Variants in PCBP3 observed in about 807,000 individuals in gnomAD.
The protein encoded by PCBP3 is poly(rC)-binding protein 3.
In PCBP3, 25 loss-of-function variants were observed where a neutral mutation model predicts 52.7. The ratio of observed to expected loss-of-function variants is 0.47; its 90% confidence interval spans 0.35 to 0.66. The LOEUF (loss-of-function observed/expected upper bound fraction) is 0.66, where lower values mean the gene tolerates loss of function less well. Ranked by LOEUF, PCBP3 falls within the 30% of genes least tolerant of loss-of-function variation. The probability of loss-of-function intolerance (pLI) is 0.01; values close to 1 mark genes in which losing one functional copy is unlikely to be tolerated. For missense variants in PCBP3, 391 were observed against 490.3 expected (o/e 0.80, Z 1.91); for synonymous variants, 162 against 183.0 (o/e 0.89, Z 0.93).
At chr21:45,835,200 C>G (rs2093554404) in intron 4 of PCBP3, among the ~76,000 whole-genome samples, 1 of 152,178 alleles carries the variant, frequency 6.6e-6, no homozygotes, top group Non-Finnish European at 1.5e-5. Flanking sequence ...CACGTCTGCC[C>G]TGGGCCCCGG....
intron 10 of PCBP3, 146 bp downstream of exon 10, chr21:45,909,632 GA>G: frequency 1.3e-6 from 1 of 742,724 alleles, no homozygotes; most frequent in South Asian, 1.8e-5. Flanking sequence ...CTCAAAGTGC[GA>G]GACAGGAACA....
At chr21:45,804,663 C>T (rs1450742568) in intron 4 of PCBP3, among the ~76,000 whole-genome samples, 1 of 152,116 alleles carries the variant, frequency 6.6e-6, no homozygotes, top group African/African-American at 2.4e-5. Flanking sequence ...CTGATGTGTC[C>T]ACGCACCAGG....
intron 3 of PCBP3, among the ~76,000 whole-genome samples, chr21:45,749,200 C>T (rs1425428594): frequency 6.6e-6 from 1 of 152,130 alleles, no homozygotes; most frequent in Non-Finnish European, 1.5e-5. Context: ...CCCATAGTTG[C>T]CCGTTTTCAG....
intron 4 of PCBP3, among the ~76,000 whole-genome samples, chr21:45,825,382 G>A (rs549031776): frequency 9.2e-5 from 14 of 152,164 alleles, no homozygotes; most frequent in East Asian, 3.9e-4. Context: ...TGAGGCAAGG[G>A]AGAGTGTCCC....
intron 1 of PCBP3, among the ~76,000 whole-genome samples, chr21:45,655,935 A>G (rs1409048934): frequency 6.6e-6 from 1 of 152,274 alleles, no homozygotes; most frequent in Non-Finnish European, 1.5e-5. Context: ...AATGAAAACC[A>G]CAATGAGATA....
chr21:45,915,293 C>T (rs1220505192), intron 12 of PCBP3: 1 of 152,184 alleles, frequency 6.6e-6, no homozygotes, highest in African/African-American at 2.4e-5. Flanking sequence ...ACCTCGCCGA[C>T]CTAGGGGGCT....
At chr21:45,895,950 C>G (rs756159141) in intron 5 of PCBP3, among the ~76,000 whole-genome samples, 1 of 152,248 alleles carries the variant, frequency 6.6e-6, no homozygotes, top group Non-Finnish European at 1.5e-5. Flanking sequence ...ATGCAGACCT[C>G]GGCCAGGGGC....
chr21:45,921,912 G>A (rs537682536), intron 13 of PCBP3, among the ~76,000 whole-genome samples: 54 of 152,078 alleles, frequency 3.6e-4, no homozygotes, highest in Non-Finnish European at 7.3e-4. Context: ...CGTCCTCCTC[G>A]AGGCTTACTG....
At chr21:45,799,517 C>G (rs2092202747) in intron 4 of PCBP3, among the ~76,000 whole-genome samples, 1 of 152,176 alleles carries the variant, frequency 6.6e-6, no homozygotes, top group Admixed American at 6.5e-5. Flanking sequence ...TTGGTATAGT[C>G]CATGGTTCCA....
intron 4 of PCBP3, among the ~76,000 whole-genome samples, chr21:45,815,487 GGTGAGTGATGA>G (rs2092889738): frequency 9.3e-6 from 1 of 107,910 alleles, no homozygotes; most frequent in Non-Finnish European, 1.9e-5. Context: ...ATGGGTGAGT[GGTGAGTGATGA>G]GTGAGTGGTG....
At chr21:45,831,977 C>T (rs1555961177) in intron 4 of PCBP3, among the ~76,000 whole-genome samples, 2 of 152,140 alleles carry the variant, frequency 1.3e-5, no homozygotes, top group Non-Finnish European at 2.9e-5. Context: ...TCCCAAAGTG[C>T]TGGAATTACA....
At chr21:45,650,181 A>G (rs568822188) in intron 1 of PCBP3, among the ~76,000 whole-genome samples, 1 of 151,674 alleles carries the variant, frequency 6.6e-6, no homozygotes, top group East Asian at 1.9e-4. Flanking sequence ...AAAACCAAAG[A>G]AAAAAAATTA....
intron 16 of PCBP3, 72 bp downstream of exon 16, chr21:45,935,377 TC>T: frequency 8.7e-7 from 1 of 1,143,632 alleles, no homozygotes; most frequent in South Asian, 1.3e-5. Context: ...AGCTCTGCTG[TC>T]CTTTGGGCAG....
At chr21:45,865,845 C>T (rs1298800691) in intron 5 of PCBP3, among the ~76,000 whole-genome samples, 3 of 152,180 alleles carry the variant, frequency 2.0e-5, no homozygotes, top group Non-Finnish European at 4.4e-5. Context: ...AGGCCTCAGG[C>T]GGGCTCAGGG....
intron 16 of PCBP3, among the ~76,000 whole-genome samples, chr21:45,935,974 G>C (rs920903430): frequency 6.6e-6 from 1 of 152,250 alleles, no homozygotes; most frequent in African/African-American, 2.4e-5. Context: ...TTAAGGGATA[G>C]CTGCCAGAGC....
intron 4 of PCBP3, among the ~76,000 whole-genome samples, chr21:45,810,579 T>C (rs1170427517): frequency 6.6e-6 from 1 of 152,160 alleles, no homozygotes; most frequent in African/African-American, 2.4e-5. Flanking sequence ...TTTGGACTTT[T>C]TTCACTAATA....
intron 4 of PCBP3, among the ~76,000 whole-genome samples, chr21:45,784,379 T>G (rs1025704416): frequency 2.0e-5 from 3 of 147,582 alleles, no homozygotes; most frequent in Non-Finnish European, 4.5e-5. Context: ...TACCTCTACC[T>G]CTACCTCTAC....
chr21:45,920,560 C>T (rs1166884936), intron 13 of PCBP3, among the ~76,000 whole-genome samples: 1 of 152,214 alleles, frequency 6.6e-6, no homozygotes, highest in East Asian at 1.9e-4. Context: ...CACAATTTCT[C>T]TGTTGGAACC....
chr21:45,893,854 G>A, intron 5 of PCBP3: 2 of 985,434 alleles, frequency 2.0e-6, no homozygotes, highest in Non-Finnish European at 2.4e-6. Flanking sequence ...GATGCCAGTG[G>A]TCCGAGCATG....
Sources: gnomAD v4.1 joint callset for allele counts (sites outside exome capture counted in the v4.1 genomes callset) on GRCh38, gnomAD v4.1.1 for gene constraint, MANE v1.5 for transcripts, NCBI Gene and HGNC (gene_info 2026-07-23, HGNC 2026-07-21) for gene names.